Variants in DACH2 observed in about 807,000 individuals in gnomAD.
DACH2 encodes dachshund homolog 2.
DACH2 carries 17 observed loss-of-function variants against 35.8 expected under a neutral mutation model. That is an observed-to-expected ratio of 0.48 (90% confidence interval 0.33 to 0.71). The LOEUF (loss-of-function observed/expected upper bound fraction) is 0.71, where lower values mean the gene tolerates loss of function less well. DACH2 is among the 30% of genes least tolerant of loss of function. DACH2 has a pLI of 0.02. For missense variants in DACH2, 469 were observed against 472.7 expected, an observed-to-expected ratio of 0.99 and a Z score of 0.07; for synonymous variants, 195 against 177.3, an observed-to-expected ratio of 1.10 and a Z score of -0.79.
intron 2 of DACH2, among the ~76,000 whole-genome samples, chrX:86,467,023 C>T (rs1024548841): frequency 1.8e-5 from 2 of 111,934 alleles, no homozygotes; most frequent in African/African-American, 6.5e-5. Flanking sequence ...AGACACTTTC[C>T]CCAACGTTTT....
intron 7 of DACH2, among the ~76,000 whole-genome samples, chrX:86,804,140 T>C (rs2042320803): frequency 8.9e-6 from 1 of 112,069 alleles, no homozygotes; most frequent in Admixed American, 9.5e-5. Context: ...AACTGAGTAA[T>C]TTATAAAGCA....
intron 2 of DACH2, among the ~76,000 whole-genome samples, chrX:86,482,626 T>G: frequency 9.3e-6 from 1 of 108,012 alleles, no homozygotes; most frequent in South Asian, 4.3e-4. Context: ...ATTTCCACAA[T>G]GGTTGAACTA....
intron 1 of DACH2, among the ~76,000 whole-genome samples, chrX:86,369,836 C>T (rs1019451869): frequency 9.0e-6 from 1 of 111,596 alleles, no homozygotes; most frequent in Non-Finnish European, 1.9e-5. Context: ...AGAAAGTTTA[C>T]TCAGATTCTA....
intron 2 of DACH2, among the ~76,000 whole-genome samples, chrX:86,484,046 A>G (rs781663937): frequency 2.7e-5 from 3 of 111,106 alleles, no homozygotes; most frequent in Non-Finnish European, 5.6e-5. Flanking sequence ...GTGCCATGCT[A>G]AACATGTAAT....
rs191087764 is a variant in DACH2 at position 86,356,871 on chromosome X, T to A, written c.489-19953T>A. On this transcript the variant is annotated intron_variant, in intron 1 of 11. Coordinates refer to ENST00000373125, the MANE Select transcript of DACH2 (RefSeq NM_053281.3). ...TTTTTGGTTGCTTGGATGCAATGTA[T>A]AGTGGTGAAGTCTGAGATTTTAGTG... Among the ~76,000 whole-genome samples the A allele has an allele frequency of 1.4e-4, 16 of 111,456 alleles. No homozygotes were observed. The East Asian group carries it at 3.4e-3, about 23-fold the overall frequency.
At chrX:86,692,231 T>C (rs771923067) in intron 4 of DACH2, among the ~76,000 whole-genome samples, 40 of 111,549 alleles carry the variant, frequency 3.6e-4, no homozygotes, top group African/African-American at 1.3e-3. Context: ...TTTTTTATTA[T>C]TATACTTTAA....
intron 4 of DACH2, among the ~76,000 whole-genome samples, chrX:86,692,671 C>G (rs1482651233): frequency 1.8e-5 from 2 of 111,540 alleles, no homozygotes; most frequent in African/African-American, 6.5e-5. Flanking sequence ...TAGTGCAGTA[C>G]TATGTTATTA....
At position 86,539,691 on chromosome X, in the gene DACH2, G is replaced by A. The variant is rs768982677; in HGVS notation, c.640+25300G>A. 9.0e-5 allele frequency among the ~76,000 whole-genome samples: 10 copies of A among 111,406 alleles called. No individual in the cohort carries two copies. In the South Asian group the frequency reaches 3.7e-3, roughly 42 times the overall value. ...TGAATGCTATACAACAAGCTATATG[G>A]CTCTGAGCACATTACTTTCTCCTTT... On this transcript the variant is annotated intron_variant, in intron 3 of 11. Transcript: ENST00000373125.
chrX:86,299,416 C>G (rs904376023), intron 1 of DACH2, among the ~76,000 whole-genome samples: 5 of 111,851 alleles, frequency 4.5e-5, no homozygotes, highest in African/African-American at 1.6e-4. Context: ...GGATCATGTT[C>G]AGCTTAGCAG....
intron 1 of DACH2, among the ~76,000 whole-genome samples, chrX:86,219,758 C>CA (rs1346017341): frequency 9.1e-6 from 1 of 110,220 alleles, no homozygotes. Context: ...AATAGTTACA[C>CA]AAAAACTGCA....
At chrX:86,485,701 A>G (rs1038978263) in intron 2 of DACH2, among the ~76,000 whole-genome samples, 1 of 111,509 alleles carries the variant, frequency 9.0e-6, no homozygotes, top group Non-Finnish European at 1.9e-5. Context: ...AGTAAATCAC[A>G]TTGCCTATAA....
rs368971291 is a variant in DACH2 at position 86,294,703 on chromosome X, G to C, written c.489-82121G>C. On this transcript the variant is annotated intron_variant, in intron 1 of 11. Transcript: ENST00000373125. Reference sequence around the variant, plus strand: ...CTGTGTGAGGTGTCAGTTTGCCCCTGCTGGGGGGTGCCTCCCAGTTAGGCT... The same window carrying C: ...CTGTGTGAGGTGTCAGTTTGCCCCTCCTGGGGGGTGCCTCCCAGTTAGGCT... 5.5e-3 allele frequency among the ~76,000 whole-genome samples: 610 copies of C among 110,413 alleles called. 7 individuals are homozygous for C. The highest frequency in any genetic ancestry group is 0.019 in the African/African-American group (578 of 30,084).
At chrX:86,707,382 A>G (rs912070492) in intron 5 of DACH2, among the ~76,000 whole-genome samples, 1 of 111,884 alleles carries the variant, frequency 8.9e-6, no homozygotes, top group Non-Finnish European at 1.9e-5. Context: ...AAATGGGTTC[A>G]CAGGTAAAGT....
intron 1 of DACH2, among the ~76,000 whole-genome samples, chrX:86,341,978 T>C (rs1231896527): frequency 1.8e-5 from 2 of 111,947 alleles, no homozygotes; most frequent in African/African-American, 6.5e-5. Flanking sequence ...TGAGATGGAA[T>C]CTATCCCTGG....
At chrX:86,832,053 C>A in intron 11 of DACH2, 53 bp from the exon 12 acceptor site, 1 of 842,298 alleles carries the variant, frequency 1.2e-6, no homozygotes, top group Non-Finnish European at 1.7e-6. Flanking sequence ...TATTTTTAAG[C>A]ACGTATCAGA....
intron 2 of DACH2, among the ~76,000 whole-genome samples, chrX:86,385,920 A>T (rs2036115635): frequency 8.9e-6 from 1 of 111,802 alleles, no homozygotes; most frequent in South Asian, 3.7e-4. Context: ...ACAGAAAGAA[A>T]GCAAATACTG....
intron 2 of DACH2, among the ~76,000 whole-genome samples, chrX:86,417,180 G>A (rs2036720922): frequency 9.6e-6 from 1 of 103,987 alleles, no homozygotes; most frequent in African/African-American, 3.5e-5. Context: ...TGTGAGGAAA[G>A]TATCAAGCCT....
At chrX:86,320,392 A>G (rs1250831813) in intron 1 of DACH2, among the ~76,000 whole-genome samples, 3 of 111,842 alleles carry the variant, frequency 2.7e-5, no homozygotes, top group Non-Finnish European at 5.6e-5. Context: ...TTTTTCCCCA[A>G]TTTGCACCAC....
In DACH2 at chrX:86,679,616, C is replaced by CTGTGTGTG. The variant is rs67988965; in HGVS notation, c.773-15369_773-15362dup. Among the ~76,000 whole-genome samples, 153 of 96,287 alleles carry CTGTGTGTG rather than the reference C, an allele frequency of 1.6e-3. 1 individual carries two copies. Among genetic ancestry groups the CTGTGTGTG allele is most frequent in the African/African-American group, 5.0e-3 (133 of 26,499 alleles). The allele number at this position is 96,287 out of a possible 115,157, so 83.6% of individuals were successfully genotyped here. A position where few individuals can be genotyped will look rare whatever the true frequency, so the allele number is the denominator to read the frequency against. On this transcript the variant is annotated intron_variant, in intron 4 of 11. Coordinates refer to ENST00000373125, the MANE Select transcript of DACH2 (RefSeq NM_053281.3). ...TCTCTCTCTCTCTCTCTCTCTGTCT[C>CTGTGTGTG]TGTGTGTGTGTGTGTGTGTGTGTGT...
Sources: allele counts gnomAD v4.1 joint callset (sites outside exome capture counted in the v4.1 genomes callset), GRCh38; gene constraint gnomAD v4.1.1; transcripts MANE v1.5; gene names NCBI Gene and HGNC (gene_info 2026-07-23, HGNC 2026-07-21).